SLC24A2: variants seen among roughly 807,000 people sequenced by gnomAD.
The protein encoded by SLC24A2 is sodium/potassium/calcium exchanger 2.
In SLC24A2, 36 loss-of-function variants were observed where a neutral mutation model predicts 62.0. The observed-to-expected ratio is 0.58, with a 90% CI of 0.44 to 0.77. The LOEUF (loss-of-function observed/expected upper bound fraction) is 0.77, where lower values mean the gene tolerates loss of function less well. SLC24A2 is among the 30% of genes least tolerant of loss of function. The pLI, the probability that SLC24A2 is intolerant of heterozygous loss-of-function variation, is 0.00. For missense variants in SLC24A2, 846 were observed against 817.9 expected (o/e 1.03, Z -0.42); for synonymous variants, 358 against 294.0 (o/e 1.22, Z -2.23).
the SLC24A2 span, among the ~76,000 whole-genome samples, chr9:20,223,134 G>T: frequency 6.6e-6 from 1 of 151,998 alleles, no homozygotes; most frequent in Non-Finnish European, 1.5e-5. Context: ...GACAAAAAAA[G>T]ATGCCACTCT....
intron 5 of SLC24A2, among the ~76,000 whole-genome samples, chr9:19,580,036 T>G (rs1024641087): frequency 3.3e-5 from 5 of 152,210 alleles, no homozygotes; most frequent in African/African-American, 1.2e-4. Context: ...CATGTTACTC[T>G]TTTCCCACTG....
the SLC24A2 span, among the ~76,000 whole-genome samples, chr9:20,161,892 A>G: frequency 1.3e-5 from 2 of 151,732 alleles, no homozygotes; most frequent in South Asian, 4.1e-4. Context: ...AACCTACTAT[A>G]TTCGCTACTG....
At chr9:19,851,008 C>CGT in the SLC24A2 span, among the ~76,000 whole-genome samples, 3 of 31,516 alleles carry the variant, frequency 9.5e-5, no homozygotes, top group Admixed American at 4.2e-4. Flanking sequence ...TATACACATA[C>CGT]ATATATATAT....
the SLC24A2 span, among the ~76,000 whole-genome samples, chr9:19,976,477 T>C: frequency 1.3e-5 from 2 of 152,206 alleles, no homozygotes. Context: ...ACATGCTTAC[T>C]TCCCCTCCAC....
At chr9:19,622,443 G>C (rs1817930661) in intron 2 of SLC24A2, 144 bp from the exon 3 acceptor site, 2 of 777,266 alleles carry the variant, frequency 2.6e-6, no homozygotes, top group African/African-American at 1.7e-5. Flanking sequence ...GCCAAAACAG[G>C]GGACTAAGGA....
the SLC24A2 span, among the ~76,000 whole-genome samples, chr9:20,273,818 A>C: frequency 6.6e-6 from 1 of 152,206 alleles, no homozygotes. Flanking sequence ...ATTTCTACAC[A>C]ACTATCCATT....
the SLC24A2 span, among the ~76,000 whole-genome samples, chr9:20,291,229 G>C: frequency 6.6e-6 from 1 of 152,174 alleles, no homozygotes; most frequent in East Asian, 1.9e-4. Context: ...GAGAGCATAA[G>C]AGAAGGGCCA....
intron 5 of SLC24A2, among the ~76,000 whole-genome samples, chr9:19,584,283 A>G: frequency 6.7e-6 from 1 of 149,770 alleles, no homozygotes; most frequent in South Asian, 2.1e-4. Context: ...TAAAAAAAAA[A>G]AAAAAAAAAA....
chr9:20,149,288 G>T, the SLC24A2 span, among the ~76,000 whole-genome samples: 1 of 151,986 alleles, frequency 6.6e-6, no homozygotes, highest in African/African-American at 2.4e-5. Context: ...TTCCATCTAT[G>T]GCTCAGGCAC....
chr9:19,534,692 C>A (rs920899896), intron 8 of SLC24A2, among the ~76,000 whole-genome samples: 1 of 152,136 alleles, frequency 6.6e-6, no homozygotes, highest in African/African-American at 2.4e-5. Context: ...ATGAACTCAT[C>A]CTTTTTTATG....
chr9:19,862,375 AC>A, the SLC24A2 span, among the ~76,000 whole-genome samples: 4 of 152,090 alleles, frequency 2.6e-5, no homozygotes, highest in African/African-American at 9.7e-5. Flanking sequence ...AGAAATAAAG[AC>A]TTTCCCAGGC....
In SLC24A2 at chr9:19,550,224, A is replaced by G. The variant is rs1834776002; in HGVS notation, c.1392T>C (p.Pro464=). Residue 464 remains proline (P), a synonymous_variant, in exon 8 of 11, where the codon CCT becomes CCC. Transcript: ENST00000341998. ...ACGTGACTTGCTTGCGGGTTTCAGA[A>G]GGCCAGGCAAGGCTGAGAGGCTGGT... The part of the protein sequence containing the change: ...EEDQPLSLAW[P]SETRKQVTFL... The G allele has an allele frequency of 1.9e-6, 3 of 1,614,196 alleles. No individual in the cohort carries two copies. The highest frequency in any genetic ancestry group is 2.5e-6 in the Non-Finnish European group (3 of 1,180,002).
the SLC24A2 span, among the ~76,000 whole-genome samples, chr9:19,836,146 C>T: frequency 6.6e-6 from 1 of 151,992 alleles, no homozygotes; most frequent in Non-Finnish European, 1.5e-5. Flanking sequence ...AATTGACACC[C>T]TAACATCACA....
At chr9:19,969,043 T>A in the SLC24A2 span, among the ~76,000 whole-genome samples, 1 of 152,068 alleles carries the variant, frequency 6.6e-6, no homozygotes, top group African/African-American at 2.4e-5. Flanking sequence ...CTTTCCAGTG[T>A]TTATAACTAG....
chr9:20,181,042 A>G, the SLC24A2 span, among the ~76,000 whole-genome samples: 1 of 152,078 alleles, frequency 6.6e-6, no homozygotes, highest in East Asian at 1.9e-4. Context: ...GTCAAAAAGA[A>G]ATTGTCTTCA....
chr9:19,597,193 A>G (rs777028732), intron 5 of SLC24A2, 36 bp downstream of exon 5: 1 of 1,428,734 alleles, frequency 7.0e-7, no homozygotes, highest in South Asian at 1.1e-5. Flanking sequence ...ATAAATGTAA[A>G]AAAGCCAATG....
chr9:20,188,696 G>A, the SLC24A2 span, among the ~76,000 whole-genome samples: 1 of 152,082 alleles, frequency 6.6e-6, no homozygotes, highest in South Asian at 2.1e-4. Context: ...AGAAGCAGGA[G>A]CTAGGATGAC....
At chr9:20,187,121 C>T in the SLC24A2 span, among the ~76,000 whole-genome samples, 1 of 152,164 alleles carries the variant, frequency 6.6e-6, no homozygotes. Flanking sequence ...CATCCCCATC[C>T]CATCCCATCC....
chr9:19,954,650 A>T, the SLC24A2 span, among the ~76,000 whole-genome samples: 1 of 152,056 alleles, frequency 6.6e-6, no homozygotes, highest in Non-Finnish European at 1.5e-5. Flanking sequence ...GAATACTGAA[A>T]CATTTCCCTC....
Sources: allele counts gnomAD v4.1 joint callset (sites outside exome capture counted in the v4.1 genomes callset), GRCh38; gene constraint gnomAD v4.1.1; transcripts MANE v1.5; gene names NCBI Gene and HGNC (gene_info 2026-07-23, HGNC 2026-07-21).